ASTN2: variants seen among roughly 807,000 people sequenced by gnomAD.
ASTN2 encodes astrotactin-2.
A neutral mutation model predicts 139.8 loss-of-function variants in ASTN2; 54 were observed. That is an observed-to-expected ratio of 0.39 (90% CI 0.31 to 0.48). The LOEUF (loss-of-function observed/expected upper bound fraction) is 0.48, where lower values mean the gene tolerates loss of function less well. Among genes scored for constraint, ASTN2 ranks in the 20% least tolerant of loss-of-function variants. The pLI, the probability that ASTN2 is intolerant of heterozygous loss-of-function variation, is 0.95. For missense variants in ASTN2, 1,565 were observed against 1,725.1 expected, an observed-to-expected ratio of 0.91 and a Z score of 1.64; for synonymous variants, 756 against 719.5, an observed-to-expected ratio of 1.05 and a Z score of -0.81.
At chr9:117,194,448 A>C (rs1831435305) in intron 3 of ASTN2, among the ~76,000 whole-genome samples, 1 of 152,238 alleles carries the variant, frequency 6.6e-6, no homozygotes, top group Admixed American at 6.5e-5. Flanking sequence ...TGCCATCAAA[A>C]GAATAGAAGC....
At chr9:117,375,392 G>C (rs1039388437) in intron 1 of ASTN2, among the ~76,000 whole-genome samples, 15 of 152,142 alleles carry the variant, frequency 9.9e-5, no homozygotes, top group Non-Finnish European at 5.9e-5. Context: ...TTCTCCATTT[G>C]ACTACACAAA....
At chr9:116,590,980 CT>C (rs954609906) in intron 19 of ASTN2, among the ~76,000 whole-genome samples, 12 of 152,208 alleles carry the variant, frequency 7.9e-5, no homozygotes, top group African/African-American at 2.9e-4. Context: ...AATGAAGCTC[CT>C]CTTTGCCGTG....
chr9:117,386,321 C>G (rs1413997665), intron 1 of ASTN2, among the ~76,000 whole-genome samples: 1 of 152,124 alleles, frequency 6.6e-6, no homozygotes, highest in African/African-American at 2.4e-5. Flanking sequence ...CCGCTATTCG[C>G]AGTTAACATG....
At chr9:117,384,412 G>A (rs1371591262) in intron 1 of ASTN2, among the ~76,000 whole-genome samples, 1 of 152,140 alleles carries the variant, frequency 6.6e-6, no homozygotes, top group East Asian at 1.9e-4. Context: ...ACCAAGCCAG[G>A]AGATCTTCAC....
intron 1 of ASTN2, among the ~76,000 whole-genome samples, chr9:117,404,152 C>T (rs1830916344): frequency 6.6e-6 from 1 of 152,178 alleles, no homozygotes; most frequent in Non-Finnish European, 1.5e-5. Flanking sequence ...AAAAAGTTAG[C>T]ACAGTGCCCA....
chr9:117,291,180 A>T, intron 2 of ASTN2, 146 bp downstream of exon 2: 1 of 1,053,768 alleles, frequency 9.5e-7, no homozygotes, highest in South Asian at 1.6e-5. Context: ...ACATCACAGA[A>T]TCCATCTGAT....
At chr9:117,363,473 A>T (rs1385326818) in intron 1 of ASTN2, among the ~76,000 whole-genome samples, 1 of 152,172 alleles carries the variant, frequency 6.6e-6, no homozygotes, top group African/African-American at 2.4e-5. Context: ...AAGGGAGGTA[A>T]GAATCTAGGA....
At chr9:116,654,450 A>T (rs1421772732) in intron 16 of ASTN2, among the ~76,000 whole-genome samples, 1 of 152,220 alleles carries the variant, frequency 6.6e-6, no homozygotes, top group Non-Finnish European at 1.5e-5. Context: ...ATGATGGATT[A>T]AGTAATGTAA....
chr9:116,805,141 T>TGTGTGC (rs757355735), intron 13 of ASTN2, among the ~76,000 whole-genome samples: 2 of 151,742 alleles, frequency 1.3e-5, no homozygotes, highest in African/African-American at 4.8e-5. Context: ...TGTGTGTGTG[T>TGTGTGC]GTAGGCAGAC....
chr9:117,130,341 A>G (rs1004447821), intron 4 of ASTN2, among the ~76,000 whole-genome samples: 8 of 152,042 alleles, frequency 5.3e-5, no homozygotes, highest in African/African-American at 1.7e-4. Context: ...AAAAACTATC[A>G]CTGAATCTTA....
At chr9:116,600,769 AT>A (rs1451467679) in intron 19 of ASTN2, among the ~76,000 whole-genome samples, 1 of 152,104 alleles carries the variant, frequency 6.6e-6, no homozygotes, top group Non-Finnish European at 1.5e-5. Flanking sequence ...CATACTCAGA[AT>A]TTAAACTCCA....
chr9:116,688,707 GC>G (rs1408325740), intron 16 of ASTN2, among the ~76,000 whole-genome samples: 1 of 152,184 alleles, frequency 6.6e-6, no homozygotes, highest in Non-Finnish European at 1.5e-5. Context: ...ATCTGCCTAA[GC>G]CCTTTTTCCC....
chr9:116,836,825 G>C (rs1200592362), intron 11 of ASTN2, among the ~76,000 whole-genome samples: 2 of 152,054 alleles, frequency 1.3e-5, no homozygotes, highest in African/African-American at 4.8e-5. Flanking sequence ...CAGAAAAATA[G>C]AGAAAATGTG....
At chr9:116,866,855 G>C (rs1454148051) in intron 10 of ASTN2, among the ~76,000 whole-genome samples, 1 of 140,156 alleles carries the variant, frequency 7.1e-6, no homozygotes, top group African/African-American at 2.7e-5. Context: ...ATCGTGCCAC[G>C]GCACTCTAGC....
At position 117,384,704 on chromosome 9, in the gene ASTN2, C is replaced by T. The variant is rs138561542; in HGVS notation, c.442+29793G>A. 1.8e-3 allele frequency among the ~76,000 whole-genome samples: 281 copies of T among 152,308 alleles called. 2 individuals carry two copies. The highest frequency in any genetic ancestry group is 6.3e-3 in the African/African-American group (263 of 41,570). The stretch of plus-strand genomic sequence containing the variant: ...GTTTAGAGCTCTCTGATCTCATCTG[C>T]TAAGACTCAGAACATTTATCTCGTT... On this transcript the variant is annotated intron_variant, in intron 1 of 22. Transcript: ENST00000313400.
chr9:117,262,254 T>G (rs762716886), intron 2 of ASTN2, among the ~76,000 whole-genome samples: 218 of 152,250 alleles, frequency 1.4e-3, no homozygotes, highest in Non-Finnish European at 2.1e-3. Context: ...GACTGCAATT[T>G]GTTTTTCCTG....
intron 19 of ASTN2, among the ~76,000 whole-genome samples, chr9:116,566,495 T>A (rs1853240511): frequency 2.0e-5 from 3 of 152,158 alleles, no homozygotes; most frequent in Admixed American, 6.5e-5. Flanking sequence ...AATTTCTCCA[T>A]CCCCAGGACT....
intron 10 of ASTN2, among the ~76,000 whole-genome samples, chr9:116,892,904 C>A (rs1833797665): frequency 6.6e-6 from 1 of 152,112 alleles, no homozygotes; most frequent in African/African-American, 2.4e-5. Context: ...CCAAATAGTG[C>A]AATTATTAAT....
At chr9:117,025,937 G>A (rs1424028540) in intron 6 of ASTN2, among the ~76,000 whole-genome samples, 1 of 151,378 alleles carries the variant, frequency 6.6e-6, no homozygotes, top group Non-Finnish European at 1.5e-5. Flanking sequence ...ACTATTTTTT[G>A]TATTTTTAGT....
Sources: gnomAD v4.1 joint callset for allele counts (sites outside exome capture counted in the v4.1 genomes callset) on GRCh38, gnomAD v4.1.1 for gene constraint, MANE v1.5 for transcripts, NCBI Gene and HGNC (gene_info 2026-07-23, HGNC 2026-07-21) for gene names.